FHIT: variants seen among roughly 807,000 people sequenced by gnomAD.
FHIT encodes bis(5'-adenosyl)-triphosphatase.
In FHIT, 19 loss-of-function variants were observed where a neutral mutation model predicts 17.9. That is an observed-to-expected ratio of 1.06 (90% confidence interval 0.74 to 1.56). The LOEUF (loss-of-function observed/expected upper bound fraction) is 1.56. FHIT is among the 40% of genes most tolerant of loss of function. The pLI, the probability that FHIT is intolerant of heterozygous loss-of-function variation, is 0.00. For missense variants in FHIT, 248 were observed against 189.2 expected, an observed-to-expected ratio of 1.31 and a Z score of -1.82; for synonymous variants, 81 against 69.7, an observed-to-expected ratio of 1.16 and a Z score of -0.81.
intron 3 of FHIT, among the ~76,000 whole-genome samples, chr3:60,864,816 A>G (rs1436605255): frequency 6.6e-6 from 1 of 152,164 alleles, no homozygotes; most frequent in Non-Finnish European, 1.5e-5. Flanking sequence ...CCACAAGTAT[A>G]ATGACACTTA....
At chr3:59,974,397 A>G (rs1397499699) in intron 7 of FHIT, among the ~76,000 whole-genome samples, 1 of 152,182 alleles carries the variant, frequency 6.6e-6, no homozygotes, top group Non-Finnish European at 1.5e-5. Context: ...CTTCATTTCT[A>G]CAATTAAACA....
intron 5 of FHIT, among the ~76,000 whole-genome samples, chr3:60,113,175 C>G (rs147993656): frequency 1.8e-4 from 27 of 152,304 alleles, no homozygotes; most frequent in African/African-American, 6.3e-4. Flanking sequence ...ACTTATTTGC[C>G]TGCTCCTTAT....
chr3:60,695,659 C>G (rs1443414063), intron 4 of FHIT, among the ~76,000 whole-genome samples: 1 of 152,128 alleles, frequency 6.6e-6, no homozygotes, highest in Non-Finnish European at 1.5e-5. Flanking sequence ...TAATCCCTAA[C>G]AAGAGTTCAA....
At chr3:60,448,597 G>T (rs1005925501) in intron 5 of FHIT, among the ~76,000 whole-genome samples, 2 of 152,154 alleles carry the variant, frequency 1.3e-5, no homozygotes, top group African/African-American at 4.8e-5. Flanking sequence ...TAAGCAGAGA[G>T]AGACAACCTG....
intron 5 of FHIT, among the ~76,000 whole-genome samples, chr3:60,073,485 G>C (rs140618971): frequency 7.9e-5 from 12 of 152,096 alleles, no homozygotes; most frequent in Admixed American, 1.3e-4. Flanking sequence ...CATAGTACAT[G>C]CTTATGTTCG....
In FHIT at chr3:60,619,314, A is replaced by G. The variant is rs1484069906; in HGVS notation, c.-17-82335T>C. On this transcript the variant is annotated intron_variant, in intron 4 of 9. Transcript: ENST00000492590. ...ATAAAGGAATATTTTTGCCTAATAA[A>G]TACAAAGAAAATGAAAATCCCAGCA... Among the ~76,000 whole-genome samples, 3 of 152,214 alleles carry G rather than the reference A, an allele frequency of 2.0e-5. No homozygotes were observed. The East Asian group carries it at 5.8e-4, about 29-fold the overall frequency.
chr3:59,898,097 G>T (rs1377624201), intron 8 of FHIT, among the ~76,000 whole-genome samples: 1 of 152,028 alleles, frequency 6.6e-6, no homozygotes, highest in Non-Finnish European at 1.5e-5. Context: ...GCACCGACAT[G>T]ATGCCACAAC....
At chr3:60,545,350 T>C (rs1010564758) in intron 4 of FHIT, among the ~76,000 whole-genome samples, 1 of 152,222 alleles carries the variant, frequency 6.6e-6, no homozygotes, top group African/African-American at 2.4e-5. Flanking sequence ...ATTTTTACTT[T>C]ATTACCACAT....
intron 1 of FHIT, among the ~76,000 whole-genome samples, chr3:61,219,996 T>C (rs1454347664): frequency 6.6e-6 from 1 of 152,238 alleles, no homozygotes; most frequent in African/African-American, 2.4e-5. Context: ...TTTGCCTCTA[T>C]TGTTGCATTC....
chr3:60,663,987 AT>A (rs561846690), intron 4 of FHIT, among the ~76,000 whole-genome samples: 122 of 152,080 alleles, frequency 8.0e-4, no homozygotes, highest in African/African-American at 2.9e-3. Context: ...CATGCCTTCT[AT>A]TTTCTTTTCT....
chr3:61,095,569 G>A (rs982177960), intron 2 of FHIT, among the ~76,000 whole-genome samples: 1 of 152,078 alleles, frequency 6.6e-6, no homozygotes, highest in Non-Finnish European at 1.5e-5. Flanking sequence ...GACTCTGTAG[G>A]CATTTGCCAG....
chr3:60,223,179 A>G (rs1438689954), intron 5 of FHIT, among the ~76,000 whole-genome samples: 1 of 152,168 alleles, frequency 6.6e-6, no homozygotes, highest in Non-Finnish European at 1.5e-5. Context: ...GAGTCCCTGG[A>G]GGGCTCCTAA....
At chr3:60,310,787 T>G (rs1433124734) in intron 5 of FHIT, among the ~76,000 whole-genome samples, 1 of 152,182 alleles carries the variant, frequency 6.6e-6, no homozygotes, top group Non-Finnish European at 1.5e-5. Flanking sequence ...CTTATCTACA[T>G]GGTCCAAGAA....
intron 3 of FHIT, among the ~76,000 whole-genome samples, chr3:60,825,699 A>G (rs1294774585): frequency 6.6e-6 from 1 of 152,134 alleles, no homozygotes; most frequent in Non-Finnish European, 1.5e-5. Flanking sequence ...CTAACGCCTG[A>G]TGATCTGAGG....
intron 5 of FHIT, among the ~76,000 whole-genome samples, chr3:60,446,206 G>A (rs377550099): frequency 6.6e-6 from 1 of 152,046 alleles, no homozygotes; most frequent in East Asian, 1.9e-4. Flanking sequence ...TGCCAATTGG[G>A]GCATCATTGA....
At chr3:61,183,581 G>A (rs79522983) in intron 2 of FHIT, among the ~76,000 whole-genome samples, 2 of 152,042 alleles carry the variant, frequency 1.3e-5, no homozygotes, top group South Asian at 4.1e-4. Context: ...CTGAACATCT[G>A]TTCCCTTACT....
chr3:60,446,364 T>A (rs1340947815), intron 5 of FHIT, among the ~76,000 whole-genome samples: 1 of 152,176 alleles, frequency 6.6e-6, no homozygotes, highest in African/African-American at 2.4e-5. Flanking sequence ...TCCTACTCTC[T>A]GGCAGCCAGT....
intron 3 of FHIT, among the ~76,000 whole-genome samples, chr3:60,920,591 T>C (rs531809802): frequency 6.6e-6 from 1 of 151,946 alleles, no homozygotes; most frequent in East Asian, 1.9e-4. Context: ...AGGTGAAAAG[T>C]GCCCCAAGCA....
chr3:60,760,262 T>C (rs545871585), intron 4 of FHIT, among the ~76,000 whole-genome samples: 3 of 152,264 alleles, frequency 2.0e-5, no homozygotes, highest in East Asian at 1.9e-4. Flanking sequence ...CACGGCACCA[T>C]GAAGGCCGAG....
Sources: gnomAD v4.1 joint callset for allele counts (sites outside exome capture counted in the v4.1 genomes callset) on GRCh38, gnomAD v4.1.1 for gene constraint, MANE v1.5 for transcripts, NCBI Gene and HGNC (gene_info 2026-07-23, HGNC 2026-07-21) for gene names.